Variants in SLC12A6 observed in about 807,000 individuals in gnomAD.
SLC12A6 encodes K-Cl cotransporter 3.
Under a neutral mutation model 135.3 loss-of-function variants are expected in SLC12A6, and 66 were observed. The ratio of observed to expected loss-of-function variants is 0.49; its 90% CI spans 0.40 to 0.60. SLC12A6 has a LOEUF of 0.60. SLC12A6 is among the 20% of genes least tolerant of loss of function. SLC12A6 has a pLI of 0.00. For synonymous variants in SLC12A6, 513 were observed against 508.8 expected (o/e 1.01, Z -0.11); for missense variants, 1,058 against 1,452.3 (o/e 0.73, Z 4.41).
chr15:34,272,902 G>A (rs1478675617), intron 3 of SLC12A6, among the ~76,000 whole-genome samples: 1 of 152,060 alleles, frequency 6.6e-6, no homozygotes, highest in Non-Finnish European at 1.5e-5. Context: ...TATGTATCAG[G>A]GACAGAAACA....
At chr15:34,291,751 T>A (rs577267100) in intron 2 of SLC12A6, among the ~76,000 whole-genome samples, 34 of 152,192 alleles carry the variant, frequency 2.2e-4, no homozygotes, top group Middle Eastern at 6.8e-3. Context: ...ATCACTGATA[T>A]CCTTTCTTCC....
intron 2 of SLC12A6, among the ~76,000 whole-genome samples, chr15:34,315,252 T>C (rs1013338187): frequency 2.6e-5 from 4 of 152,236 alleles, no homozygotes; most frequent in African/African-American, 9.6e-5. Flanking sequence ...AAAGAGTCAA[T>C]TCATGCAGTA....
intron 2 of SLC12A6, among the ~76,000 whole-genome samples, chr15:34,312,161 C>T (rs1385644195): frequency 1.3e-5 from 2 of 151,504 alleles, no homozygotes; most frequent in Non-Finnish European, 3.0e-5. Flanking sequence ...TGGCAAAAGT[C>T]ACTCAAGTAA....
At chr15:34,323,070 T>TATA (rs1206053837) in intron 2 of SLC12A6, among the ~76,000 whole-genome samples, 2 of 148,452 alleles carry the variant, frequency 1.3e-5, no homozygotes, top group African/African-American at 2.5e-5. Context: ...ATGGACACCA[T>TATA]TATGAAAATG....
In SLC12A6 at chr15:34,254,484, G is replaced by A. The variant is rs559041797; in HGVS notation, c.982C>T (p.Leu328Phe). The part of the protein sequence containing the change: ...MRVYGTAFLV[L>F]MVLVVFIGVR... ...CCGATAAATACCACTAATACCATAA[G>A]GACCAAGAAAGCTGTGCCGTAGACA... is the stretch of plus-strand genomic sequence containing the variant. The change falls in exon 9 of 26, where the codon CTT (leucine) becomes TTT (phenylalanine). Residue 328 changes from leucine to phenylalanine, a missense_variant. Coordinates refer to ENST00000354181, the MANE Select transcript of SLC12A6 (RefSeq NM_001365088.1). 8.7e-6 allele frequency: 14 copies of A among 1,613,872 alleles called. No individual in the cohort carries two copies. The South Asian group carries it at 9.9e-5, about 11-fold the overall frequency.
At position 34,245,753 on chromosome 15, in the gene SLC12A6, G is replaced by A. The variant is rs1190345904; in HGVS notation, c.1764C>T (p.Leu588=). ...CTTGTAGCAGCCTCGGTGCACCTGT[G>A]AGGCTCTGAAGTCCAGCCCCACATG... is the stretch of plus-strand genomic sequence containing the variant. ...FSTCGAGLQS[L]TGAPRLLQAI... is the part of the protein sequence containing the mutation. Residue 588 remains leucine (L), a synonymous_variant, in exon 14 of 26, where the codon CTC becomes CTT. Transcript: ENST00000354181. 1.9e-6 allele frequency: 3 copies of A among 1,613,820 alleles called. No individual in the cohort carries two copies. Among genetic ancestry groups the A allele is most frequent in the Non-Finnish European group, 2.5e-6 (3 of 1,179,852 alleles).
chr15:34,240,996 T>C (rs2140664327), intron 18 of SLC12A6, 167 bp from the exon 19 acceptor site: 1 of 677,936 alleles, frequency 1.5e-6, no homozygotes, highest in East Asian at 2.7e-5. Context: ...TTTTGAATGC[T>C]CCCAGTACTA....
chr15:34,241,356 A>G lies in SLC12A6; in HGVS notation c.2163-19T>C. The G allele has an allele frequency of 6.0e-6, 8 of 1,343,864 alleles. No individual in the cohort carries two copies. The highest frequency in any genetic ancestry group is 6.4e-6 in the Non-Finnish European group (6 of 933,084). The allele number at this position is 1,343,864 out of a possible 1,614,324, so 83.2% of individuals were successfully genotyped here. A position where few individuals can be genotyped will look rare whatever the true frequency, so the allele number is the denominator to read the frequency against. On this transcript the variant is annotated intron_variant, in intron 17 of 25. Coordinates refer to ENST00000354181, the MANE Select transcript of SLC12A6 (RefSeq NM_001365088.1). Reference sequence around the variant, plus strand: ...CTCAGCTCTGTGAGAAAAAGAAAAGAGCAGAGACAAATTTAAACTATAGTA... The same window carrying G: ...CTCAGCTCTGTGAGAAAAAGAAAAGGGCAGAGACAAATTTAAACTATAGTA...
rs1244462361 is a variant in SLC12A6, at chr15:34,310,571, A to ATG, written c.271+25837_271+25838dup. 3.8e-3 allele frequency among the ~76,000 whole-genome samples: 67 copies of ATG among 17,660 alleles called. 8 individuals carry two copies. The highest frequency in any genetic ancestry group is 7.5e-3 in the African/African-American group (20 of 2,678). 11.6% of individuals were successfully genotyped at this position (17,660 alleles called of 152,430 possible). On this transcript the variant is annotated intron_variant, in intron 2 of 25. Transcript: ENST00000354181. ...ACTGTGTGTGTGTGTGTGTGTGTGT[A>ATG]TGTGTGTGTGTGTGTGTGTGTCCCC... is the stretch of plus-strand genomic sequence containing the variant.
At chr15:34,271,034 A>G (rs1893894533) in intron 3 of SLC12A6, among the ~76,000 whole-genome samples, 1 of 152,100 alleles carries the variant, frequency 6.6e-6, no homozygotes, top group Non-Finnish European at 1.5e-5. Context: ...TCATAAGAAC[A>G]TAGAGGAAAC....
intron 10 of SLC12A6, 128 bp from the exon 11 acceptor site, chr15:34,251,185 A>G (rs560205834): frequency 5.5e-6 from 4 of 722,730 alleles, no homozygotes; most frequent in African/African-American, 1.8e-5. Flanking sequence ...TTGCTTCTAC[A>G]TGAGCACATG....
chr15:34,284,523 C>T (rs550864307), intron 2 of SLC12A6, among the ~76,000 whole-genome samples: 1 of 152,064 alleles, frequency 6.6e-6, no homozygotes, highest in East Asian at 1.9e-4. Flanking sequence ...CCACCTGCCT[C>T]GGCCTCCCAA....
At chr15:34,329,135 C>A (rs571154278) in intron 2 of SLC12A6, among the ~76,000 whole-genome samples, 3 of 152,296 alleles carry the variant, frequency 2.0e-5, no homozygotes, top group Admixed American at 1.3e-4. Flanking sequence ...TATTCTGAAA[C>A]AACAAGCTCA....
rs570454252 is a variant in SLC12A6, at chr15:34,229,806, C to T, written c.*4075G>A. 1.2e-6 allele frequency: 2 copies of T among 1,612,494 alleles called. No homozygotes were observed. On this transcript the variant is annotated 3_prime_UTR_variant, in exon 26 of 26. Coordinates refer to ENST00000354181, the MANE Select transcript of SLC12A6 (RefSeq NM_001365088.1). Reference sequence around the variant, plus strand: ...TTTTGTGAACATGAGAAAGCAGCGCCTGGTCCCTATGTATTTGGGTCTTAT... The same window carrying T: ...TTTTGTGAACATGAGAAAGCAGCGCTTGGTCCCTATGTATTTGGGTCTTAT...
chr15:34,305,460 T>C (rs347854), intron 2 of SLC12A6, among the ~76,000 whole-genome samples: 13,134 of 151,298 alleles, frequency 0.087, 1,967 homozygotes, highest in African/African-American at 0.3. Flanking sequence ...AGGTCAATAA[T>C]TGTTCATACT....
chr15:34,297,372 TAGAA>T (rs1453342964), intron 2 of SLC12A6, among the ~76,000 whole-genome samples: 2 of 152,142 alleles, frequency 1.3e-5, no homozygotes, highest in Admixed American at 6.5e-5. Context: ...TCCATAAAAA[TAGAA>T]AGATTACAAA....
At chr15:34,304,902 T>A (rs910055058) in intron 2 of SLC12A6, among the ~76,000 whole-genome samples, 1 of 152,226 alleles carries the variant, frequency 6.6e-6, no homozygotes, top group African/African-American at 2.4e-5. Context: ...AGGTCACTTG[T>A]TATTTGGCTA....
chr15:34,240,091 C>T (rs2140659224), intron 19 of SLC12A6, among the ~76,000 whole-genome samples: 1 of 152,078 alleles, frequency 6.6e-6, no homozygotes, highest in South Asian at 2.1e-4. Flanking sequence ...TAATGCTATC[C>T]TTCCCCCCTC....
Position 34,233,648 on chromosome 15 carries a change from A to G in SLC12A6, c.*233T>C, listed in dbSNP as rs1891071770. The G allele has an allele frequency of 4.0e-6, 2 of 503,488 alleles. No homozygotes were observed. The highest frequency in any genetic ancestry group is 7.2e-6 in the Non-Finnish European group (2 of 276,546). 31.2% of individuals were successfully genotyped at this position (503,488 alleles called of 1,614,324 possible). ...TTTGACTGCTCAGACGTGGCTTGAA[A>G]GACTTGAGCATTGTTCTGATGTTGA... is the stretch of plus-strand genomic sequence containing the variant. On this transcript the variant is annotated 3_prime_UTR_variant, in exon 26 of 26. Transcript: ENST00000354181.
Sources: allele counts gnomAD v4.1 joint callset (sites outside exome capture counted in the v4.1 genomes callset), GRCh38; gene constraint gnomAD v4.1.1; transcripts MANE v1.5; gene names NCBI Gene and HGNC (gene_info 2026-07-23, HGNC 2026-07-21).